The following ZNRF2 variants were observed in gnomAD, a reference collection of about 807,000 sequenced individuals.
The protein encoded by ZNRF2 is zinc and ring finger 2.
In ZNRF2, 16 loss-of-function variants were observed where a neutral mutation model predicts 20.4. That is an observed-to-expected ratio of 0.79 (90% CI 0.53 to 1.19). The LOEUF is 1.19. Among genes scored for constraint, ZNRF2 ranks in the 50% most tolerant of loss-of-function variants. The pLI, the probability that ZNRF2 is intolerant of heterozygous loss-of-function variation, is 0.00. For synonymous variants in ZNRF2, 178 were observed against 144.9 expected (o/e 1.23, Z -1.64); for missense variants, 363 against 332.4 (o/e 1.09, Z -0.72).
At chr7:30,295,436 A>G (rs1799003390) in intron 1 of ZNRF2, among the ~76,000 whole-genome samples, 1 of 152,196 alleles carries the variant, frequency 6.6e-6, no homozygotes, top group Non-Finnish European at 1.5e-5. Context: ...CAGGCCAGGT[A>G]CAGTGGCTTG....
chr7:30,310,137 C>T (rs1583574593), intron 1 of ZNRF2, among the ~76,000 whole-genome samples: 2 of 152,008 alleles, frequency 1.3e-5, no homozygotes, highest in East Asian at 2.0e-4. Flanking sequence ...CTGACAGATA[C>T]TCAGGAGGTA....
chr7:30,336,889 T>C (rs541115574), intron 2 of ZNRF2, among the ~76,000 whole-genome samples: 11 of 152,266 alleles, frequency 7.2e-5, no homozygotes, highest in African/African-American at 2.6e-4. Context: ...TACATGGACA[T>C]GTATGTGTGT....
chr7:30,363,099 C>T (rs1477992098), intron 4 of ZNRF2, among the ~76,000 whole-genome samples: 2 of 151,456 alleles, frequency 1.3e-5, no homozygotes, highest in Admixed American at 6.6e-5. Flanking sequence ...CTAGCCTGGG[C>T]GACAGAGCGA....
chr7:30,312,423 T>C (rs1799305483), intron 1 of ZNRF2, among the ~76,000 whole-genome samples: 1 of 152,208 alleles, frequency 6.6e-6, no homozygotes, highest in African/African-American at 2.4e-5. Flanking sequence ...ATAAATGTAG[T>C]GAGCCATGCT....
chr7:30,335,692 A>T (rs1186624087), intron 2 of ZNRF2, among the ~76,000 whole-genome samples: 1 of 152,178 alleles, frequency 6.6e-6, no homozygotes, highest in African/African-American at 2.4e-5. Context: ...TGGGGGCAAG[A>T]GAGAATGCTA....
rs1250477674 is a variant in ZNRF2, at chr7:30,333,363, C to CT, written c.565+9642dup. Among the ~76,000 whole-genome samples the CT allele has an allele frequency of 3.7e-3, 485 of 130,562 alleles. 1 individual carries two copies. Among genetic ancestry groups the CT allele is most frequent in the African/African-American group, 6.8e-3 (239 of 35,336 alleles). The allele number at this position is 130,562 out of a possible 152,430, so 85.7% of individuals were successfully genotyped here. A position where few individuals can be genotyped will look rare whatever the true frequency, so the allele number is the denominator to read the frequency against. On this transcript the variant is annotated intron_variant, in intron 2 of 4. Transcript: ENST00000323037. ...GCCACTGCGCCTGGCCATATTTTGACTTTTTTTTTTTTTTTTCCTCCCTGA... is the reference window on the plus strand; with the variant it reads ...GCCACTGCGCCTGGCCATATTTTGACTTTTTTTTTTTTTTTTTCCTCCCTGA...
chr7:30,344,874 A>G (rs1175834117), intron 2 of ZNRF2, among the ~76,000 whole-genome samples: 1 of 152,212 alleles, frequency 6.6e-6, no homozygotes, highest in Admixed American at 6.5e-5. Flanking sequence ...TTTGGGTTAT[A>G]CCTTCTCTAC....
In ZNRF2 at chr7:30,366,453, CATA is replaced by C. The variant is rs1200208841; in HGVS notation, c.*444_*446del. 1 of 152,508 alleles carries C rather than the reference CATA, an allele frequency of 6.6e-6. No individual in the cohort carries two copies. The highest frequency in any genetic ancestry group is 1.5e-5 in the Non-Finnish European group (1 of 67,984). 9.4% of individuals were successfully genotyped at this position (152,508 alleles called of 1,614,324 possible). On this transcript the variant is annotated 3_prime_UTR_variant, in exon 5 of 5. Coordinates refer to ENST00000323037, the MANE Select transcript of ZNRF2 (RefSeq NM_147128.4). ...TCTTTGTTTTCCCCAACATAATGTT[CATA>C]ATGTTTCTGCATTCATCTGTTCTTA...
intron 4 of ZNRF2, among the ~76,000 whole-genome samples, chr7:30,365,304 G>A (rs1800195623): frequency 6.6e-6 from 1 of 151,752 alleles, no homozygotes; most frequent in Non-Finnish European, 1.5e-5. Flanking sequence ...ATGTCTGTTG[G>A]TCTTCAACAA....
chr7:30,303,955 T>C (rs560822804), intron 1 of ZNRF2, among the ~76,000 whole-genome samples: 1 of 152,336 alleles, frequency 6.6e-6, no homozygotes, highest in African/African-American at 2.4e-5. Context: ...TTCCAGATTC[T>C]CATTGGTGAT....
In ZNRF2 at chr7:30,284,648, G is replaced by A. The variant is rs1798734275; in HGVS notation, c.-710G>A. ...AGCCGCGCCGCTCCGCGGCCTTCCG[G>A]CGCGGGGCCGGGGAACCTCCTCCCC... On this transcript the variant is annotated 5_prime_UTR_variant, in exon 1 of 5. Coordinates refer to ENST00000323037, the MANE Select transcript of ZNRF2 (RefSeq NM_147128.4). 1 of 153,490 alleles carries A rather than the reference G, an allele frequency of 6.5e-6. No individual in the cohort carries two copies. Among genetic ancestry groups the A allele is most frequent in the South Asian group, 1.8e-4 (1 of 5,410 alleles). The allele number at this position is 153,490 out of a possible 1,614,324, so 9.5% of individuals were successfully genotyped here. A position where few individuals can be genotyped will look rare whatever the true frequency, so the allele number is the denominator to read the frequency against.
chr7:30,365,147 C>CTTTT (rs533354831), intron 4 of ZNRF2, among the ~76,000 whole-genome samples: 26 of 70,314 alleles, frequency 3.7e-4, no homozygotes, highest in East Asian at 5.8e-4. Context: ...AGCTGATAAG[C>CTTTT]TTTTTTTTTT....
At chr7:30,286,060 C>G (rs1281706124) in intron 1 of ZNRF2, among the ~76,000 whole-genome samples, 1 of 152,226 alleles carries the variant, frequency 6.6e-6, no homozygotes, top group Non-Finnish European at 1.5e-5. Context: ...GCACCCTCAC[C>G]TCAGCGGCTG....
At chr7:30,364,659 A>G (rs762098134) in intron 4 of ZNRF2, among the ~76,000 whole-genome samples, 2 of 152,220 alleles carry the variant, frequency 1.3e-5, no homozygotes, top group Non-Finnish European at 2.9e-5. Context: ...GGCTAAAATT[A>G]TAGAAGCATT....
chr7:30,286,419 A>T (rs1798791225), intron 1 of ZNRF2, among the ~76,000 whole-genome samples: 1 of 152,256 alleles, frequency 6.6e-6, no homozygotes, highest in African/African-American at 2.4e-5. Flanking sequence ...ACTTAAGATC[A>T]CAGTTAATGT....
At chr7:30,313,114 T>G (rs1799316232) in intron 1 of ZNRF2, among the ~76,000 whole-genome samples, 1 of 152,170 alleles carries the variant, frequency 6.6e-6, no homozygotes, top group South Asian at 2.1e-4. Context: ...TGGTCTTAAG[T>G]TTTCTGCAAC....
At chr7:30,335,464 A>G (rs776186805) in intron 2 of ZNRF2, among the ~76,000 whole-genome samples, 10 of 152,106 alleles carry the variant, frequency 6.6e-5, no homozygotes, top group Non-Finnish European at 1.3e-4. Context: ...TCTCAAATTT[A>G]TCTCATTTTT....
Position 30,285,689 on chromosome 7 carries a change from A to G in ZNRF2, c.332A>G (p.Tyr111Cys). The G allele has an allele frequency of 1.4e-6, 2 of 1,457,736 alleles. No individual in the cohort carries two copies. Among genetic ancestry groups the G allele is most frequent in the Non-Finnish European group, 1.8e-6 (2 of 1,111,746 alleles). 90.3% of individuals were successfully genotyped at this position (1,457,736 alleles called of 1,614,324 possible). The part of the protein sequence containing the change: ...FSIPNSSSGP[Y>C]GSQDSVHSSP... ...ATCCCGAACAGCAGCAGCGGCCCGT[A>G]CGGCTCGCAGGACTCGGTGCACAGC... The change falls in exon 1 of 5, where the codon TAC (tyrosine) becomes TGC (cysteine). Residue 111 changes from tyrosine (Y) to cysteine (C), a missense_variant. Physicochemically the swap from Tyr to Cys is radical, Grantham distance 194. Around this residue, in one of 2 missense-constraint regions of ZNRF2, gnomAD observed 302 missense variants for 231.5 expected, o/e 1.30. Transcript: ENST00000323037.
In ZNRF2 at chr7:30,284,888, C is replaced by T. The variant is rs978864143; in HGVS notation, c.-470C>T. On this transcript the variant is annotated 5_prime_UTR_variant, in exon 1 of 5. Coordinates refer to ENST00000323037, the MANE Select transcript of ZNRF2 (RefSeq NM_147128.4). Reference sequence around the variant, plus strand: ...GAAGGTGGCCCCGGCGGAGTCTGGGCGGGCGCCTCCCACTCAGCCGCCAGC... The same window carrying T: ...GAAGGTGGCCCCGGCGGAGTCTGGGTGGGCGCCTCCCACTCAGCCGCCAGC... The T allele has an allele frequency of 1.7e-5, 4 of 237,630 alleles. No individual in the cohort carries two copies. The highest frequency in any genetic ancestry group is 9.6e-5 in the African/African-American group (4 of 41,820). The allele number at this position is 237,630 out of a possible 1,614,324, so 14.7% of individuals were successfully genotyped here. A position where few individuals can be genotyped will look rare whatever the true frequency, so the allele number is the denominator to read the frequency against.
Sources: gnomAD v4.1 joint callset for allele counts (sites outside exome capture counted in the v4.1 genomes callset) on GRCh38, gnomAD v4.1.1 for gene constraint, gnomAD v4.1.1 regional missense constraint, MANE v1.5 for transcripts, NCBI Gene and HGNC (gene_info 2026-07-23, HGNC 2026-07-21) for gene names.